The following PLPP1 variants were observed in gnomAD, a reference collection of about 807,000 sequenced individuals.
PLPP1 encodes the protein phospholipid phosphatase 1, also known as lipid phosphate phosphohydrolase 1a.
In PLPP1, 24 loss-of-function variants were observed where a neutral mutation model predicts 31.2. The observed-to-expected ratio is 0.77, with a 90% CI of 0.56 to 1.08. The LOEUF (loss-of-function observed/expected upper bound fraction) is 1.08. Among genes scored for constraint, PLPP1 ranks in the 50% least tolerant of loss-of-function variants. PLPP1 has a pLI of 0.00. For synonymous variants in PLPP1, 146 were observed against 126.3 expected (o/e 1.16, Z -1.05); for missense variants, 319 against 342.7 (o/e 0.93, Z 0.55).
chr5:55,527,405 A>G (rs1740495541), intron 1 of PLPP1, among the ~76,000 whole-genome samples: 2 of 152,210 alleles, frequency 1.3e-5, no homozygotes, highest in South Asian at 4.1e-4. Context: ...TTGATTTGGC[A>G]TAATGATGAT....
At chr5:55,426,392 T>C (rs1189025631) in intron 4 of PLPP1, among the ~76,000 whole-genome samples, 2 of 152,134 alleles carry the variant, frequency 1.3e-5, no homozygotes, top group Admixed American at 6.5e-5. Context: ...AGTGCTGCCA[T>C]TGGTTTTTTT....
At chr5:55,530,195 A>T (rs1059389) in intron 1 of PLPP1, 40 of 1,339,778 alleles carry the variant, frequency 3.0e-5, no homozygotes, top group Non-Finnish European at 4.3e-5. Flanking sequence ...CAGCAGTTTG[A>T]CATTGAGTTT....
At position 55,530,511 on chromosome 5, in the gene PLPP1, A is replaced by T. The variant is rs1740625584; in HGVS notation, c.58+4061T>A. On this transcript the variant is annotated intron_variant, in intron 1 of 5. Transcript: ENST00000307259. ...TGTTTCACTCCTATTGCTGTTCCCT[A>T]CTGAATCTTCAGAGATCTGAAAGTT... The T allele has an allele frequency of 1.0e-5, 12 of 1,196,014 alleles. No individual in the cohort carries two copies. In the Admixed American group the frequency reaches 2.0e-4, roughly 20 times the overall value. The allele number at this position is 1,196,014 out of a possible 1,614,324, so 74.1% of individuals were successfully genotyped here.
chr5:55,444,741 T>TGTGTGTGTGTGTGTGTG (rs1554037408), intron 3 of PLPP1, among the ~76,000 whole-genome samples: 583 of 6,972 alleles, frequency 0.084, 13 homozygotes, highest in Admixed American at 0.17. Flanking sequence ...TGGGATTCTA[T>TGTGTGTGTGTGTGTGTG]TTTGTGTGTG....
rs111657740 is a variant in PLPP1, at chr5:55,506,055, TCAAAACAAAACAAAA to T, written c.58+28502_58+28516del. 1.4e-3 allele frequency among the ~76,000 whole-genome samples: 207 copies of T among 151,844 alleles called. 3 individuals are homozygous for T. The East Asian group carries it at 0.036, about 26-fold the overall frequency. Reference sequence around the variant, plus strand: ...GTAGGCAACAGAGCAAGACTCTGTCTCAAAACAAAACAAAACAAAACAAAACAAAAACCTTATTTT... The same window carrying T: ...GTAGGCAACAGAGCAAGACTCTGTCTCAAAACAAAACAAAAACCTTATTTT... On this transcript the variant is annotated intron_variant, in intron 1 of 5. Coordinates refer to ENST00000307259, the MANE Select transcript of PLPP1 (RefSeq NM_003711.4).
At chr5:55,498,393 G>A (rs1347487629) in intron 1 of PLPP1, among the ~76,000 whole-genome samples, 1 of 62,506 alleles carries the variant, frequency 1.6e-5, no homozygotes, top group Non-Finnish European at 4.7e-5. Flanking sequence ...GTGTCTCTGT[G>A]TACATATAGA....
intron 1 of PLPP1, among the ~76,000 whole-genome samples, chr5:55,516,129 C>T (rs1753550899): frequency 6.6e-6 from 1 of 152,158 alleles, no homozygotes; most frequent in Non-Finnish European, 1.5e-5. Context: ...TTCTCTCTCT[C>T]CTACCCTACA....
At chr5:55,483,282 C>T (rs1393119823) in intron 1 of PLPP1, among the ~76,000 whole-genome samples, 1 of 152,030 alleles carries the variant, frequency 6.6e-6, no homozygotes, top group Non-Finnish European at 1.5e-5. Flanking sequence ...TTAATCAATG[C>T]CAGAAAAATA....
intron 4 of PLPP1, among the ~76,000 whole-genome samples, chr5:55,437,455 T>TTTTGTTTG (rs113346484): frequency 4.0e-5 from 6 of 148,950 alleles, no homozygotes; most frequent in Non-Finnish European, 7.4e-5. Flanking sequence ...AAGGAGTTTT[T>TTTTGTTTG]TTTGTTTGTT....
At chr5:55,470,316 A>C (rs1392909131) in intron 2 of PLPP1, among the ~76,000 whole-genome samples, 4 of 152,254 alleles carry the variant, frequency 2.6e-5, no homozygotes, top group African/African-American at 9.6e-5. Flanking sequence ...CAGTTTCAGC[A>C]GTTGAAACTT....
chr5:55,513,479 C>T (rs1753486152), intron 1 of PLPP1, among the ~76,000 whole-genome samples: 1 of 151,826 alleles, frequency 6.6e-6, no homozygotes, highest in South Asian at 2.1e-4. Flanking sequence ...ACCATGTTGT[C>T]CAGGCTGGTC....
At chr5:55,467,520 T>C (rs1220877380) in intron 3 of PLPP1, among the ~76,000 whole-genome samples, 1 of 137,484 alleles carries the variant, frequency 7.3e-6, no homozygotes, top group Non-Finnish European at 1.5e-5. Context: ...ACTTAGTCTC[T>C]ACAAAATAAT....
chr5:55,425,586 A>T (rs987174800), intron 5 of PLPP1: 16 of 448,870 alleles, frequency 3.6e-5, no homozygotes, highest in African/African-American at 3.0e-4. Flanking sequence ...TCTACATGTG[A>T]ATTAGTTTTT....
At chr5:55,493,840 A>G (rs971336998) in intron 1 of PLPP1, among the ~76,000 whole-genome samples, 6 of 151,154 alleles carry the variant, frequency 4.0e-5, no homozygotes, top group Non-Finnish European at 8.8e-5. Flanking sequence ...AGATCGCGCC[A>G]CTGTACTCCA....
intron 1 of PLPP1, among the ~76,000 whole-genome samples, chr5:55,517,651 T>C (rs935885125): frequency 2.6e-4 from 40 of 152,190 alleles, no homozygotes; most frequent in African/African-American, 9.4e-4. Flanking sequence ...CTTCAGGCAA[T>C]GTAAATCACT....
At chr5:55,529,203 T>C (rs1397498574) in intron 1 of PLPP1, among the ~76,000 whole-genome samples, 12 of 152,046 alleles carry the variant, frequency 7.9e-5, no homozygotes, top group Admixed American at 7.9e-4. Flanking sequence ...TAAAAAATCC[T>C]TATAGAAACT....
chr5:55,533,340 G>A (rs1033685050), intron 1 of PLPP1, among the ~76,000 whole-genome samples: 4 of 148,844 alleles, frequency 2.7e-5, no homozygotes, highest in African/African-American at 7.5e-5. Context: ...CCGAGATCCC[G>A]CCACTGCACT....
chr5:55,463,353 A>G (rs1452141386), intron 3 of PLPP1, among the ~76,000 whole-genome samples: 3 of 152,106 alleles, frequency 2.0e-5, no homozygotes, highest in African/African-American at 7.2e-5. Flanking sequence ...AAATTAAGAT[A>G]AAAAAGAAAA....
chr5:55,453,782 A>C (rs971791829), intron 3 of PLPP1, among the ~76,000 whole-genome samples: 2 of 152,140 alleles, frequency 1.3e-5, no homozygotes, highest in Non-Finnish European at 2.9e-5. Context: ...TTCTACTAAA[A>C]ATACAAAAAT....
Sources: allele counts gnomAD v4.1 joint callset (sites outside exome capture counted in the v4.1 genomes callset), GRCh38; gene constraint gnomAD v4.1.1; transcripts MANE v1.5; gene names NCBI Gene and HGNC (gene_info 2026-07-23, HGNC 2026-07-21).